DLGAP1: variants seen among roughly 807,000 people sequenced by gnomAD.
DLGAP1 encodes disks large-associated protein 1.
A neutral mutation model predicts 90.8 loss-of-function variants in DLGAP1; 11 were observed. That is an observed-to-expected ratio of 0.12 (90% CI 0.08 to 0.20). The LOEUF is 0.20. DLGAP1 is among the 10% of genes least tolerant of loss of function. The pLI is 1.00. For missense variants in DLGAP1, 1,050 were observed against 1,333.8 expected, an observed-to-expected ratio of 0.79 and a Z score of 3.31; for synonymous variants, 558 against 540.7, an observed-to-expected ratio of 1.03 and a Z score of -0.44.
chr18:4,066,266 T>C lies in DLGAP1; in HGVS notation c.-158-61065A>G, dbSNP rs190604338. Among the ~76,000 whole-genome samples, 537 of 152,140 alleles carry C rather than the reference T, an allele frequency of 3.5e-3. 4 individuals carry two copies. The highest frequency in any genetic ancestry group is 0.012 in the African/African-American group (510 of 41,526). ...ATAGGCACAGTCAAAGATTTCATGA[T>C]GAAGATGCCAAAAGCAATTGCAACA... is the stretch of plus-strand genomic sequence containing the variant. On this transcript the variant is annotated intron_variant, in intron 2 of 12. Coordinates refer to ENST00000315677, the MANE Select transcript of DLGAP1 (RefSeq NM_004746.4).
intron 5 of DLGAP1, among the ~76,000 whole-genome samples, chr18:3,747,442 T>C (rs1205780605): frequency 1.3e-5 from 2 of 152,232 alleles, no homozygotes; most frequent in African/African-American, 2.4e-5. Context: ...GAAGCATTTA[T>C]AACCTAAAGT....
intron 10 of DLGAP1, among the ~76,000 whole-genome samples, chr18:3,521,491 T>C (rs577762127): frequency 1.3e-5 from 2 of 152,288 alleles, no homozygotes; most frequent in African/African-American, 4.8e-5. Flanking sequence ...CCTGAGTGTC[T>C]TCTTCACACC....
At chr18:3,645,539 T>C (rs1037637293) in intron 7 of DLGAP1, among the ~76,000 whole-genome samples, 8 of 152,186 alleles carry the variant, frequency 5.3e-5, no homozygotes, top group African/African-American at 1.9e-4. Flanking sequence ...CTTCTGTCTG[T>C]GTGCAGGCTT....
At chr18:3,812,711 T>C (rs2066903233) in intron 5 of DLGAP1, among the ~76,000 whole-genome samples, 1 of 152,210 alleles carries the variant, frequency 6.6e-6, no homozygotes, top group Non-Finnish European at 1.5e-5. Flanking sequence ...AAATAATTCA[T>C]GGGAGGCCGT....
At position 4,342,303 on chromosome 18, in the gene DLGAP1, T is replaced by C. The variant is rs1424933762; in HGVS notation, c.-267+112703A>G. On this transcript the variant is annotated intron_variant, in intron 1 of 12. Coordinates refer to ENST00000315677, the MANE Select transcript of DLGAP1 (RefSeq NM_004746.4). This position sits in a 1 kb window ranked among gnomAD's most constrained non-coding sequence, Gnocchi z 5.8. ...GTAGGCGAGGATTTTTTATATTAGA[T>C]GTTACTTGTATTTTTGAACTATAAA... is the stretch of plus-strand genomic sequence containing the variant. Among the ~76,000 whole-genome samples the C allele has an allele frequency of 6.6e-6, 1 of 152,150 alleles. No individual in the cohort carries two copies. Among genetic ancestry groups the C allele is most frequent in the Non-Finnish European group, 1.5e-5 (1 of 68,036 alleles).
chr18:3,580,571 G>A (rs987443181), intron 8 of DLGAP1: 13 of 1,588,496 alleles, frequency 8.2e-6, no homozygotes, highest in Middle Eastern at 1.8e-4. Flanking sequence ...GGAGGGCTCC[G>A]GGGAGGAGGT....
At chr18:3,751,040 G>C (rs2063474911) in intron 5 of DLGAP1, among the ~76,000 whole-genome samples, 1 of 152,078 alleles carries the variant, frequency 6.6e-6, no homozygotes. Flanking sequence ...TTATACGTTT[G>C]TGTACTCTTC....
At chr18:4,432,316 C>A (rs1488074550) in intron 1 of DLGAP1, among the ~76,000 whole-genome samples, 3 of 151,916 alleles carry the variant, frequency 2.0e-5, no homozygotes, top group Non-Finnish European at 4.4e-5. Flanking sequence ...GTAACTGAAA[C>A]GTTTTACTAT....
At chr18:4,410,023 G>A (rs552871995) in intron 1 of DLGAP1, among the ~76,000 whole-genome samples, 5 of 152,232 alleles carry the variant, frequency 3.3e-5, no homozygotes, top group East Asian at 3.9e-4. Context: ...GGAAGAGATC[G>A]GAGACTATTA....
At chr18:4,028,399 G>T (rs1206544033) in intron 2 of DLGAP1, among the ~76,000 whole-genome samples, 1 of 152,190 alleles carries the variant, frequency 6.6e-6, no homozygotes, top group East Asian at 1.9e-4. Context: ...ACTTGCTTGT[G>T]CATTCAGGTG....
At chr18:4,343,123 T>A (rs184740387) in intron 1 of DLGAP1, among the ~76,000 whole-genome samples, 3 of 151,692 alleles carry the variant, frequency 2.0e-5, no homozygotes, top group Admixed American at 6.6e-5. Context: ...CTGTCTAACA[T>A]GGTGAAACTC....
chr18:4,231,470 TG>T (rs1294807583), intron 1 of DLGAP1, among the ~76,000 whole-genome samples: 1 of 152,174 alleles, frequency 6.6e-6, no homozygotes, highest in East Asian at 1.9e-4. Flanking sequence ...AGAGAGAAAC[TG>T]GGGTATTTCC....
chr18:4,241,222 G>T (rs966136864), intron 1 of DLGAP1, among the ~76,000 whole-genome samples: 3 of 152,152 alleles, frequency 2.0e-5, no homozygotes, highest in African/African-American at 7.2e-5. Context: ...TCCTCCTGGG[G>T]ATTCCAATGC....
intron 1 of DLGAP1, among the ~76,000 whole-genome samples, chr18:4,306,190 T>C (rs145610656): frequency 2.8e-4 from 43 of 151,968 alleles, no homozygotes; most frequent in African/African-American, 9.9e-4. Flanking sequence ...AGGAAGGCAA[T>C]TGCCTGAGCT....
chr18:3,726,408 AT>A (rs2062180353), intron 7 of DLGAP1, among the ~76,000 whole-genome samples: 1 of 152,016 alleles, frequency 6.6e-6, no homozygotes, highest in South Asian at 2.1e-4. Flanking sequence ...CAGTATTGAG[AT>A]CATGTGAGAA....
chr18:4,433,182 C>A (rs1456212901), intron 1 of DLGAP1, among the ~76,000 whole-genome samples: 3 of 152,204 alleles, frequency 2.0e-5, no homozygotes, highest in African/African-American at 7.2e-5. Context: ...TATTCCTAAT[C>A]ATGGCCTCAC....
At chr18:3,664,117 G>A (rs1263087393) in intron 7 of DLGAP1, among the ~76,000 whole-genome samples, 1 of 150,780 alleles carries the variant, frequency 6.6e-6, no homozygotes, top group South Asian at 2.1e-4. Context: ...GGCTCTCCTG[G>A]GTTTCAAGCT....
intron 1 of DLGAP1, among the ~76,000 whole-genome samples, chr18:4,382,693 G>A (rs1414836011): frequency 1.3e-5 from 2 of 152,044 alleles, no homozygotes; most frequent in Admixed American, 6.6e-5. Flanking sequence ...AGATAGGAAT[G>A]CTAATTCAGT....
intron 7 of DLGAP1, among the ~76,000 whole-genome samples, chr18:3,616,739 G>C (rs886898894): frequency 5.3e-5 from 8 of 152,022 alleles, no homozygotes; most frequent in African/African-American, 1.9e-4. Flanking sequence ...AGGCGGCAGA[G>C]GGAGACCCTG....
Sources: allele counts gnomAD v4.1 joint callset (sites outside exome capture counted in the v4.1 genomes callset), GRCh38; gene constraint gnomAD v4.1.1; non-coding constraint Gnocchi (gnomAD v3.1); transcripts MANE v1.5; gene names NCBI Gene and HGNC (gene_info 2026-07-23, HGNC 2026-07-21).